Variants in FRMD4B observed in about 807,000 individuals in gnomAD.
The protein encoded by FRMD4B is FERM domain containing 4B, also known as FERM domain-containing protein 4B.
FRMD4B carries 74 observed loss-of-function variants against 141.5 expected under a neutral mutation model. That is an observed-to-expected ratio of 0.52 (90% CI 0.43 to 0.63). The LOEUF is 0.63. Among genes scored for constraint, FRMD4B ranks in the 30% least tolerant of loss-of-function variants. FRMD4B has a pLI of 0.00. For missense variants in FRMD4B, 1,366 were observed against 1,253.4 expected, an observed-to-expected ratio of 1.09 and a Z score of -1.36; for synonymous variants, 506 against 467.9, an observed-to-expected ratio of 1.08 and a Z score of -1.05.
At chr3:69,528,466 G>C (rs1253204185) in intron 1 of FRMD4B, among the ~76,000 whole-genome samples, 2 of 151,994 alleles carry the variant, frequency 1.3e-5, no homozygotes, top group Non-Finnish European at 2.9e-5. Context: ...GTGGGCTGTG[G>C]TGATCCTCCC....
intron 5 of FRMD4B, among the ~76,000 whole-genome samples, chr3:69,262,895 A>T (rs2093537054): frequency 6.6e-6 from 1 of 152,162 alleles, no homozygotes; most frequent in African/African-American, 2.4e-5. Context: ...GCCAGACAAT[A>T]AAAGAATACA....
chr3:69,502,570 A>G (rs1360291781), intron 1 of FRMD4B, among the ~76,000 whole-genome samples: 2 of 152,252 alleles, frequency 1.3e-5, no homozygotes, highest in Non-Finnish European at 2.9e-5. Context: ...AACTAAAACC[A>G]TAAAAACCCT....
At chr3:69,355,617 G>A (rs1415809955) in intron 1 of FRMD4B, among the ~76,000 whole-genome samples, 5 of 152,142 alleles carry the variant, frequency 3.3e-5, no homozygotes, top group Non-Finnish European at 5.9e-5. Context: ...CTAAAACCAG[G>A]AGGCCAGGGC....
intron 2 of FRMD4B, among the ~76,000 whole-genome samples, chr3:69,422,781 A>G (rs1705003712): frequency 6.7e-6 from 1 of 149,134 alleles, no homozygotes; most frequent in South Asian, 2.2e-4. Context: ...TTCCCATACA[A>G]CCATTTAAAA....
At chr3:69,234,688 C>T (rs1264852820) in intron 7 of FRMD4B, among the ~76,000 whole-genome samples, 2 of 152,062 alleles carry the variant, frequency 1.3e-5, no homozygotes, top group East Asian at 3.9e-4. Context: ...ATCATTGTAC[C>T]CTCGTACCCT....
chr3:69,409,343 T>C (rs1309626496), intron 2 of FRMD4B, among the ~76,000 whole-genome samples: 1 of 152,186 alleles, frequency 6.6e-6, no homozygotes, highest in Non-Finnish European at 1.5e-5. Flanking sequence ...AATTGGAAAC[T>C]CATACAACCA....
At chr3:69,371,550 G>A (rs1703824471) in intron 1 of FRMD4B, among the ~76,000 whole-genome samples, 1 of 152,130 alleles carries the variant, frequency 6.6e-6, no homozygotes, top group East Asian at 1.9e-4. Context: ...CTGCAGGGGC[G>A]GTTGGCATTT....
intron 1 of FRMD4B, among the ~76,000 whole-genome samples, chr3:69,366,119 T>A (rs72940779): frequency 3.4e-5 from 5 of 145,258 alleles, no homozygotes; most frequent in South Asian, 4.4e-4. Context: ...AATTAGCTGG[T>A]CATGGTGGCA....
At chr3:69,200,887 C>A in intron 11 of FRMD4B, 1 of 457,312 alleles carries the variant, frequency 2.2e-6, no homozygotes, top group Non-Finnish European at 4.4e-6. Context: ...CATTCCCACA[C>A]ACATAAAAAC....
intron 3 of FRMD4B, 36 bp downstream of exon 3, chr3:69,311,227 A>C (rs776249850): frequency 2.0e-6 from 2 of 1,004,876 alleles, no homozygotes; most frequent in Non-Finnish European, 3.1e-6. Context: ...TAGCCCAGGC[A>C]AAAGGTAAAG....
In FRMD4B at chr3:69,353,698, G is replaced by C. The variant is rs1703230295; in HGVS notation, c.162+32130C>G. Reference sequence around the variant, plus strand: ...GCATTTTCTCCAACTACAAGCCAGTGGAAGTAGGAACTTAAAAACTCCCGA... The same window carrying C: ...GCATTTTCTCCAACTACAAGCCAGTCGAAGTAGGAACTTAAAAACTCCCGA... On this transcript the variant is annotated intron_variant, in intron 1 of 22. Coordinates refer to ENST00000398540, the MANE Select transcript of FRMD4B (RefSeq NM_015123.3). 4.1e-6 allele frequency: 4 copies of C among 984,904 alleles called. No homozygotes were observed. The South Asian group carries it at 1.9e-4, about 46-fold the overall frequency. 61.0% of individuals were successfully genotyped at this position (984,904 alleles called of 1,614,324 possible).
chr3:69,303,274 C>T (rs1331195896), intron 3 of FRMD4B, among the ~76,000 whole-genome samples: 1 of 150,666 alleles, frequency 6.6e-6, no homozygotes, highest in African/African-American at 2.4e-5. Flanking sequence ...GCTATGATCA[C>T]GGCTGTGAAC....
intron 1 of FRMD4B, among the ~76,000 whole-genome samples, chr3:69,483,317 T>C (rs1268437368): frequency 6.6e-6 from 1 of 152,258 alleles, no homozygotes; most frequent in Admixed American, 6.5e-5. Flanking sequence ...TCTTGGATTT[T>C]AAAATAAATC....
intron 1 of FRMD4B, among the ~76,000 whole-genome samples, chr3:69,487,898 T>A (rs1177106035): frequency 1.3e-5 from 2 of 152,212 alleles, no homozygotes; most frequent in African/African-American, 2.4e-5. Context: ...TCACTACCCT[T>A]GAATTTGTGA....
intron 11 of FRMD4B, among the ~76,000 whole-genome samples, chr3:69,203,276 A>G (rs1404473403): frequency 7.3e-6 from 1 of 136,558 alleles, no homozygotes; most frequent in Non-Finnish European, 1.5e-5. Context: ...CCACCCCACT[A>G]TTATAATGGT....
At chr3:69,366,318 TA>T (rs1703654752) in intron 1 of FRMD4B, among the ~76,000 whole-genome samples, 1 of 151,678 alleles carries the variant, frequency 6.6e-6, no homozygotes, top group African/African-American at 2.4e-5. Flanking sequence ...TGTCCATCAA[TA>T]GGAGACTGAT....
At chr3:69,185,135 C>T (rs13082480) in intron 19 of FRMD4B, among the ~76,000 whole-genome samples, 123,570 of 151,352 alleles carry the variant, frequency 0.82, 54,152 homozygotes, top group Non-Finnish European at 0.99. Context: ...ACCGTCTCTA[C>T]TAAAAACACA....
At chr3:69,506,433 G>C (rs1259475878) in intron 1 of FRMD4B, among the ~76,000 whole-genome samples, 1 of 149,288 alleles carries the variant, frequency 6.7e-6, no homozygotes, top group Non-Finnish European at 1.5e-5. Context: ...TGGAACCCAA[G>C]TGTAAAAAAA....
At chr3:69,467,773 A>T (rs1305806701) in intron 1 of FRMD4B, among the ~76,000 whole-genome samples, 3 of 152,122 alleles carry the variant, frequency 2.0e-5, no homozygotes, top group Non-Finnish European at 4.4e-5. Context: ...CCTGATCATG[A>T]CTCGTTTAGG....
Sources: gnomAD v4.1 joint callset for allele counts (sites outside exome capture counted in the v4.1 genomes callset) on GRCh38, gnomAD v4.1.1 for gene constraint, MANE v1.5 for transcripts, NCBI Gene and HGNC (gene_info 2026-07-23, HGNC 2026-07-21) for gene names.